The following DENND2D variants were observed in gnomAD, a reference collection of about 807,000 sequenced individuals.
DENND2D encodes DENN domain-containing protein 2D.
A neutral mutation model predicts 59.8 loss-of-function variants in DENND2D; 37 were observed. The ratio of observed to expected loss-of-function variants is 0.62; its 90% CI spans 0.48 to 0.81. DENND2D has a LOEUF of 0.81. Ranked by LOEUF, DENND2D falls within the 40% of genes least tolerant of loss-of-function variation. DENND2D has a pLI of 0.00. For missense variants in DENND2D, 525 were observed against 579.7 expected (o/e 0.91, Z 0.97); for synonymous variants, 219 against 211.3 (o/e 1.04, Z -0.31).
At position 111,192,450 on chromosome 1, in the gene DENND2D, C is replaced by T. The variant is rs895526524; in HGVS notation, c.795-133G>A. 4.3e-6 allele frequency: 4 copies of T among 933,646 alleles called. No homozygotes were observed. In the African/African-American group the frequency reaches 6.6e-5, roughly 15 times the overall value. The allele number at this position is 933,646 out of a possible 1,614,324, so 57.8% of individuals were successfully genotyped here. ...ATGGGCAGAAAGGCAAGTCTGGGGG[C>T]CATGCTGGTCACAGAGCTTGAACGT... On this transcript the variant is annotated intron_variant, in intron 7 of 11. Coordinates refer to ENST00000357640, the MANE Select transcript of DENND2D (RefSeq NM_024901.5).
chr1:111,194,873 A>C, intron 6 of DENND2D, 147 bp from the exon 7 acceptor site: 1 of 870,062 alleles, frequency 1.1e-6, no homozygotes, highest in Non-Finnish European at 1.8e-6. Context: ...AATTGGCTGG[A>C]GGACAGCACT....
chr1:111,194,111 T>C (rs1658006726), intron 7 of DENND2D, among the ~76,000 whole-genome samples: 1 of 152,272 alleles, frequency 6.6e-6, no homozygotes, highest in African/African-American at 2.4e-5. Flanking sequence ...ATCCCTGTGC[T>C]TTCAACCAGT....
intron 7 of DENND2D, 62 bp downstream of exon 7, chr1:111,194,516 C>G: frequency 6.3e-7 from 1 of 1,585,118 alleles, no homozygotes; most frequent in Non-Finnish European, 8.6e-7. Flanking sequence ...AACCTCCAGT[C>G]TGTTCCCTTG....
At chr1:111,197,076 T>A in intron 5 of DENND2D, 100 bp downstream of exon 5, 1 of 1,336,692 alleles carries the variant, frequency 7.5e-7, no homozygotes, top group Non-Finnish European at 1.0e-6. Flanking sequence ...TGACTCTGGC[T>A]ATGGGAGAAG....
At chr1:111,197,155 C>A (rs772592890) in intron 5 of DENND2D, 21 bp downstream of exon 5, 3 of 1,611,042 alleles carry the variant, frequency 1.9e-6, no homozygotes, top group Non-Finnish European at 2.5e-6. Flanking sequence ...ATGGGCAGGC[C>A]CTGAGGAATC....
At position 111,186,904 on chromosome 1, in the gene DENND2D, G is replaced by T. The variant is rs542232960; in HGVS notation, c.*701C>A. ...TAGACTGAAGCTGCTTCCCTTCAGT[G>T]AGCAGCCTCTCCTCCCAGGATTCTG... On this transcript the variant is annotated 3_prime_UTR_variant, in exon 12 of 12. Transcript: ENST00000357640. Among the ~76,000 whole-genome samples the T allele has an allele frequency of 5.9e-5, 9 of 152,208 alleles. No individual in the cohort carries two copies. Among genetic ancestry groups the T allele is most frequent in the Admixed American group, 2.6e-4 (4 of 15,286 alleles).
At chr1:111,204,315 T>C (rs1436580975), upstream of DENND2D, 17 of 1,482,344 alleles carry the variant, frequency 1.1e-5, no homozygotes, top group Admixed American at 2.3e-5. Flanking sequence ...CGCGCTTCAG[T>C]CTCAGGCTGG....
upstream of DENND2D, chr1:111,202,416 T>C (rs1281544227): frequency 1.3e-5 from 2 of 152,232 alleles, no homozygotes; most frequent in African/African-American, 4.8e-5. Context: ...TCATGTTTCA[T>C]ATAAGGCATC....
chr1:111,188,516 C>A, intron 10 of DENND2D, 146 bp from the exon 11 acceptor site: 1 of 1,322,064 alleles, frequency 7.6e-7, no homozygotes, highest in Non-Finnish European at 1.0e-6. Flanking sequence ...AGATGGGAAT[C>A]TGGGTATGAG....
At chr1:111,194,808 T>C in intron 6 of DENND2D, 82 bp from the exon 7 acceptor site, 1 of 1,474,492 alleles carries the variant, frequency 6.8e-7, no homozygotes. Flanking sequence ...TCTACCAGCC[T>C]CTATTCCTTC....
At chr1:111,201,823 C>G (rs911453017), upstream of DENND2D, among the ~76,000 whole-genome samples, 1 of 152,140 alleles carries the variant, frequency 6.6e-6, no homozygotes, top group African/African-American at 2.4e-5. Flanking sequence ...CCAGGACTCA[C>G]GGCCAAACTC....
At chr1:111,196,856 G>T (rs1001008594) in intron 5 of DENND2D, 2 of 312,228 alleles carry the variant, frequency 6.4e-6, no homozygotes, top group Non-Finnish European at 1.2e-5. Context: ...AGGAAGGTGA[G>T]ATTATTATAT....
chr1:111,187,631 T>G lies in DENND2D; in HGVS notation c.1390A>C (p.Lys464Gln). The G allele has an allele frequency of 6.2e-7, 1 of 1,613,856 alleles. No homozygotes were observed. The highest frequency in any genetic ancestry group is 8.5e-7 in the Non-Finnish European group (1 of 1,179,786). ...LEYEEQKKQK[K>Q]PREKTVK ...TATTTCACAGTTTTTTCCCTTGGTT[T>G]CTTCTGTTTCTTCTGTTCCTCATAT... Residue 464 changes from lysine to glutamine, a missense_variant, in exon 12 of 12, where the codon AAA becomes CAA. This residue lies in a region of DENND2D where 225 missense variants were observed against 252.4 expected (regional missense o/e 0.89). Transcript: ENST00000357640.
chr1:111,197,652 T>C, intron 4 of DENND2D: 1 of 1,377,450 alleles, frequency 7.3e-7, no homozygotes, highest in Non-Finnish European at 9.4e-7. Context: ...CAGGCCTGGA[T>C]AGAGCAGGCA....
chr1:111,196,603 A>C (rs551721733), intron 5 of DENND2D: 2 of 160,468 alleles, frequency 1.2e-5, no homozygotes, highest in African/African-American at 4.8e-5. Flanking sequence ...TCAGAGCATA[A>C]TGAAGTCCTT....
At chr1:111,200,207 CT>C (rs1658662982) in intron 1 of DENND2D, 185 bp downstream of exon 1, 1 of 714,234 alleles carries the variant, frequency 1.4e-6, no homozygotes, top group African/African-American at 1.8e-5. Flanking sequence ...TGTGACCACA[CT>C]AGCCCCAGAG....
intron 8 of DENND2D, among the ~76,000 whole-genome samples, chr1:111,191,610 A>G (rs928297982): frequency 6.6e-6 from 1 of 152,252 alleles, no homozygotes; most frequent in African/African-American, 2.4e-5. Flanking sequence ...ATTCAGACCT[A>G]TATCCTCATT....
rs757310709 is a variant in DENND2D, at chr1:111,194,775, T to C, written c.646-49A>G. 6.9e-6 allele frequency: 11 copies of C among 1,603,630 alleles called. No individual in the cohort carries two copies. In the East Asian group the frequency reaches 2.5e-4, roughly 36 times the overall value. ...AAGGTGTCACTATACTGCAAGATCA[T>C]GCAGACCCCGAGGTGCTAGGCCTCT... On this transcript the variant is annotated intron_variant, in intron 6 of 11. Transcript: ENST00000357640.
At position 111,198,715 on chromosome 1, in the gene DENND2D, C is replaced by G. The variant is rs1004634527; in HGVS notation, c.271G>C (p.Glu91Gln). 14 of 1,614,072 alleles carry G rather than the reference C, an allele frequency of 8.7e-6. No homozygotes were observed. The Admixed American group carries it at 2.0e-4, about 23-fold the overall frequency. Residue 91 changes from glutamate to glutamine, a missense_variant, in exon 3 of 12, where the codon GAG (glutamate) becomes CAG (glutamine). This residue lies in a region of DENND2D where 253 missense variants were observed against 246.4 expected (regional missense o/e 1.03). Transcript: ENST00000357640. ...KRENLLRGQQEEEERLLKAIP... is the reference protein window; with the variant it reads ...KRENLLRGQQQEEERLLKAIP... ...GCTTTGAGCAGCCGCTCCTCCTCCTCCTGCTGACCCCGAAGCAGGTTCTCC... is the reference window on the plus strand; with the variant it reads ...GCTTTGAGCAGCCGCTCCTCCTCCTGCTGCTGACCCCGAAGCAGGTTCTCC...
Sources: gnomAD v4.1 joint callset for allele counts (sites outside exome capture counted in the v4.1 genomes callset) on GRCh38, gnomAD v4.1.1 for gene constraint, gnomAD v4.1.1 regional missense constraint, MANE v1.5 for transcripts, NCBI Gene and HGNC (gene_info 2026-07-23, HGNC 2026-07-21) for gene names.